SCIN: variants seen among roughly 807,000 people sequenced by gnomAD.
The protein encoded by SCIN is adseverin.
Under a neutral mutation model 91.8 loss-of-function variants are expected in SCIN, and 91 were observed. That is an observed-to-expected ratio of 0.99 (90% confidence interval 0.84 to 1.18). The LOEUF (loss-of-function observed/expected upper bound fraction) is 1.18, where lower values mean the gene tolerates loss of function less well. SCIN is among the 50% of genes most tolerant of loss of function. The probability of loss-of-function intolerance (pLI) is 0.00; values close to 1 mark genes in which losing one functional copy is unlikely to be tolerated. For synonymous variants in SCIN, 367 were observed against 312.6 expected, an observed-to-expected ratio of 1.17 and a Z score of -1.84; for missense variants, 1,087 against 863.9, an observed-to-expected ratio of 1.26 and a Z score of -3.24.
intron 10 of SCIN, among the ~76,000 whole-genome samples, chr7:12,639,581 A>G (rs1783817143): frequency 6.6e-6 from 1 of 152,228 alleles, no homozygotes; most frequent in Admixed American, 6.5e-5. Context: ...TTTGTGTGAG[A>G]AATAGGAAAT....
At chr7:12,622,130 G>A (rs1484027475) in intron 4 of SCIN, among the ~76,000 whole-genome samples, 1 of 151,828 alleles carries the variant, frequency 6.6e-6, no homozygotes, top group African/African-American at 2.4e-5. Context: ...TTAATATAAA[G>A]AAATTCAAAG....
chr7:12,589,988 G>A (rs1782684043), intron 3 of SCIN, among the ~76,000 whole-genome samples: 1 of 131,738 alleles, frequency 7.6e-6, no homozygotes, highest in African/African-American at 2.6e-5. Flanking sequence ...TGAGCCTTAA[G>A]GATCCCATTT....
chr7:12,647,262 C>T (rs1783985240), intron 13 of SCIN, among the ~76,000 whole-genome samples: 1 of 152,216 alleles, frequency 6.6e-6, no homozygotes, highest in Admixed American at 6.5e-5. Context: ...TGCACCAACT[C>T]ATTTTCTTGT....
At chr7:12,597,299 A>G (rs559177846) in intron 3 of SCIN, among the ~76,000 whole-genome samples, 28 of 152,350 alleles carry the variant, frequency 1.8e-4, no homozygotes, top group African/African-American at 6.5e-4. Context: ...GGGTAACTAG[A>G]TCTAAGGGAA....
At chr7:12,611,203 C>T (rs923156026) in intron 4 of SCIN, 1 of 152,194 alleles carries the variant, frequency 6.6e-6, no homozygotes, top group Non-Finnish European at 1.5e-5. Context: ...ATTACTGAGT[C>T]ATCTAGTACA....
intron 1 of SCIN, among the ~76,000 whole-genome samples, chr7:12,575,704 A>T (rs143939607): frequency 4.9e-4 from 75 of 152,310 alleles, no homozygotes; most frequent in African/African-American, 1.6e-3. Context: ...ACAGAACATA[A>T]AAGACACCGG....
chr7:12,608,045 C>T (rs1783114521), intron 4 of SCIN, among the ~76,000 whole-genome samples: 1 of 152,100 alleles, frequency 6.6e-6, no homozygotes, highest in Non-Finnish European at 1.5e-5. Context: ...TGTACACAAC[C>T]TCAAAATACG....
rs932335261 is a variant in SCIN, at chr7:12,626,841, G to C, written c.1197+42G>C. The C allele has an allele frequency of 9.9e-6, 15 of 1,512,808 alleles. No individual in the cohort carries two copies. The East Asian group carries it at 3.6e-4, about 36-fold the overall frequency. The allele number at this position is 1,512,808 out of a possible 1,614,324, so 93.7% of individuals were successfully genotyped here. The stretch of plus-strand genomic sequence containing the variant: ...GTTTTTATCAAGCCCATTAATGCCA[G>C]TGTATGTAGGGGGAGGGTGGGGGAG... On this transcript the variant is annotated intron_variant, in intron 8 of 15. Coordinates refer to ENST00000297029, the MANE Select transcript of SCIN (RefSeq NM_001112706.3).
chr7:12,629,444 C>T (rs1390152453), intron 9 of SCIN, among the ~76,000 whole-genome samples: 3 of 152,090 alleles, frequency 2.0e-5, no homozygotes, highest in African/African-American at 4.8e-5. Flanking sequence ...CTAGTCTAGG[C>T]AAAAAGTTTT....
intron 15 of SCIN, among the ~76,000 whole-genome samples, 177 bp from the exon 16 acceptor site, chr7:12,652,411 T>A (rs1784098554): frequency 6.6e-6 from 1 of 152,214 alleles, no homozygotes; most frequent in African/African-American, 2.4e-5. Flanking sequence ...TCAATGGAAA[T>A]TTATTACTTT....
chr7:12,577,183 G>T (rs1391923848), intron 1 of SCIN, among the ~76,000 whole-genome samples: 1 of 152,112 alleles, frequency 6.6e-6, no homozygotes, highest in African/African-American at 2.4e-5. Flanking sequence ...TGCTTCCTTT[G>T]CTCTTCCTTT....
chr7:12,649,594 A>T (rs1269930463), intron 14 of SCIN, 50 bp downstream of exon 14: 1 of 1,259,524 alleles, frequency 7.9e-7, no homozygotes, highest in South Asian at 1.3e-5. Flanking sequence ...TGGTTGGGAG[A>T]TGACAGAACT....
In SCIN at chr7:12,644,191, G is replaced by A. The variant is rs1386075732; in HGVS notation, c.1635G>A (p.Leu545=). The A allele has an allele frequency of 6.2e-7, 1 of 1,612,634 alleles. No individual in the cohort carries two copies. The highest frequency in any genetic ancestry group is 1.3e-5 in the African/African-American group (1 of 74,876). Residue 545 remains leucine, a synonymous_variant, in exon 12 of 16, where the codon CTG becomes CTA. Coordinates refer to ENST00000297029, the MANE Select transcript of SCIN (RefSeq NM_001112706.3). ...LNSNDVFVLK[L]PQNSGYIWVG... The stretch of plus-strand genomic sequence containing the variant: ...CTAACGATGTTTTTGTCCTGAAACT[G>A]CCACAAAATAGTGGCTACATCTGGG...
At chr7:12,638,633 TAGAG>T (rs1235694594) in intron 10 of SCIN, among the ~76,000 whole-genome samples, 10 of 152,308 alleles carry the variant, frequency 6.6e-5, no homozygotes, top group African/African-American at 1.9e-4. Context: ...AATAATTAAA[TAGAG>T]AGAGGCAAGT....
At chr7:12,577,868 A>G in intron 1 of SCIN, 196 bp from the exon 2 acceptor site, 1 of 540,538 alleles carries the variant, frequency 1.9e-6, no homozygotes, top group Non-Finnish European at 3.2e-6. Flanking sequence ...AAAAAAAAAA[A>G]ATAGACTAAA....
intron 3 of SCIN, chr7:12,588,808 T>TGGGGGGGG (rs1184493769): frequency 1.3e-4 from 1 of 7,974 alleles, no homozygotes; most frequent in African/African-American, 1.2e-3. Flanking sequence ...CTGCATTGGG[T>TGGGGGGGG]GGGGGGGGGG....
chr7:12,607,722 G>C (rs1680411964), intron 4 of SCIN, among the ~76,000 whole-genome samples: 1 of 152,040 alleles, frequency 6.6e-6, no homozygotes, highest in Non-Finnish European at 1.5e-5. Context: ...ACCTTTATTA[G>C]ATAAGGAAAA....
chr7:12,631,950 G>A (rs918822154), intron 9 of SCIN, among the ~76,000 whole-genome samples: 1 of 152,010 alleles, frequency 6.6e-6, no homozygotes, highest in African/African-American at 2.4e-5. Context: ...GGGAACAAAA[G>A]ATAAAACGAG....
chr7:12,625,299 A>G (rs1783492058), intron 6 of SCIN, among the ~76,000 whole-genome samples, 157 bp downstream of exon 6: 1 of 151,976 alleles, frequency 6.6e-6, no homozygotes, highest in Non-Finnish European at 1.5e-5. Context: ...TTTTCCTCCT[A>G]CCAACATCAT....
Sources: allele counts gnomAD v4.1 joint callset (sites outside exome capture counted in the v4.1 genomes callset), GRCh38; gene constraint gnomAD v4.1.1; transcripts MANE v1.5; gene names NCBI Gene and HGNC (gene_info 2026-07-23, HGNC 2026-07-21).